The following NCOA2 variants were observed in gnomAD, a reference collection of about 807,000 sequenced individuals.
NCOA2 encodes the protein class E basic helix-loop-helix protein 75.
NCOA2 carries 21 observed loss-of-function variants against 145.1 expected under a neutral mutation model. That is an observed-to-expected ratio of 0.14 (90% CI 0.10 to 0.21). The LOEUF (loss-of-function observed/expected upper bound fraction) is 0.21. Ranked by LOEUF, NCOA2 falls within the 10% of genes least tolerant of loss-of-function variation. The pLI is 1.00. For missense variants in NCOA2, 1,472 were observed against 1,837.6 expected (o/e 0.80, Z 3.64); for synonymous variants, 619 against 637.5 (o/e 0.97, Z 0.44).
the NCOA2 span, chr8:70,424,438 T>C: frequency 2.1e-6 from 1 of 480,280 alleles, no homozygotes; most frequent in Non-Finnish European, 4.2e-6. Flanking sequence ...TAGTGTCTGC[T>C]TTCTCAATAC....
intron 1 of NCOA2, among the ~76,000 whole-genome samples, chr8:70,334,846 T>C (rs144226307): frequency 3.3e-5 from 5 of 152,176 alleles, no homozygotes; most frequent in African/African-American, 1.2e-4. Context: ...TCTCCTTGGC[T>C]GGGCGCAGTG....
At chr8:70,442,630 G>C in the NCOA2 span, among the ~76,000 whole-genome samples, 1 of 152,212 alleles carries the variant, frequency 6.6e-6, no homozygotes, top group African/African-American at 2.4e-5. Context: ...CCTCTAAGCA[G>C]TATTTATTTT....
intron 22 of NCOA2, among the ~76,000 whole-genome samples, chr8:70,116,615 G>C (rs949539012): frequency 1.3e-5 from 2 of 152,132 alleles, no homozygotes; most frequent in Non-Finnish European, 2.9e-5. Flanking sequence ...ACGGAAACAC[G>C]GGATGATGAC....
chr8:70,214,052 C>A lies in NCOA2; in HGVS notation c.110G>T (p.Arg37Leu). The A allele has an allele frequency of 6.2e-7, 1 of 1,605,376 alleles. No individual in the cohort carries two copies. Among genetic ancestry groups the A allele is most frequent in the Non-Finnish European group, 8.5e-7 (1 of 1,178,100 alleles). ...GPSPKRNTEK[R>L]NREQENKYIE... ...ATATTTATTTTCCTGTTCACGATTA[C>A]GTTTTTCAGTGTTCCTTTTGGGGCT... The change falls in exon 4 of 23, where the codon CGT becomes CTT. Residue 37 changes from arginine to leucine, a missense_variant. By Grantham distance (102) the Arg-to-Leu change is moderately radical. Around this residue, in one of 4 missense-constraint regions of NCOA2, gnomAD observed 284 missense variants for 467.8 expected, o/e 0.61. Transcript: ENST00000452400.
chr8:70,326,647 G>A (rs965328762), intron 1 of NCOA2, among the ~76,000 whole-genome samples: 1 of 151,934 alleles, frequency 6.6e-6, no homozygotes, highest in Non-Finnish European at 1.5e-5. Flanking sequence ...CATTGGTCAC[G>A]GCCTCCAGTG....
At chr8:70,394,757 C>T (rs527975387) in intron 1 of NCOA2, among the ~76,000 whole-genome samples, 35 of 152,254 alleles carry the variant, frequency 2.3e-4, no homozygotes, top group African/African-American at 7.2e-4. Context: ...GGGTTTATAA[C>T]AATATCCTTA....
At chr8:70,214,204 TG>T (rs1191171495) in intron 3 of NCOA2, 129 bp from the exon 4 acceptor site, 33 of 897,940 alleles carry the variant, frequency 3.7e-5, no homozygotes, top group Non-Finnish European at 1.7e-5. Flanking sequence ...GAAATACTTT[TG>T]GGGGAAAAAC....
chr8:70,372,713 A>G (rs1271437191), intron 1 of NCOA2, among the ~76,000 whole-genome samples: 1 of 152,208 alleles, frequency 6.6e-6, no homozygotes, highest in Non-Finnish European at 1.5e-5. Flanking sequence ...AATGCATACT[A>G]TTACCACAAT....
intron 2 of NCOA2, among the ~76,000 whole-genome samples, chr8:70,218,416 T>A (rs913114253): frequency 6.6e-6 from 1 of 152,052 alleles, no homozygotes; most frequent in African/African-American, 2.4e-5. Context: ...TGATAATAAG[T>A]ATAATCTGTA....
chr8:70,429,562 A>C, the NCOA2 span, among the ~76,000 whole-genome samples: 20 of 152,210 alleles, frequency 1.3e-4, no homozygotes, highest in Non-Finnish European at 2.6e-4. Flanking sequence ...AATTTCTCCC[A>C]GAGTTGTGAT....
intron 4 of NCOA2, among the ~76,000 whole-genome samples, chr8:70,191,700 C>G (rs1229645900): frequency 6.6e-6 from 1 of 152,088 alleles, no homozygotes; most frequent in Non-Finnish European, 1.5e-5. Context: ...GAGAGAGACC[C>G]ATGAGAATCT....
intron 1 of NCOA2, among the ~76,000 whole-genome samples, chr8:70,396,018 C>G (rs1813635037): frequency 6.6e-6 from 1 of 152,194 alleles, no homozygotes; most frequent in Non-Finnish European, 1.5e-5. Context: ...ATTGAGCAGA[C>G]AGAAGAATTC....
intron 1 of NCOA2, among the ~76,000 whole-genome samples, chr8:70,349,945 ATT>A (rs1193042257): frequency 6.6e-6 from 1 of 152,104 alleles, no homozygotes; most frequent in African/African-American, 2.4e-5. Context: ...GCATGATGGA[ATT>A]TGAGTAATTC....
chr8:70,136,047 G>A (rs1809686545), intron 15 of NCOA2, among the ~76,000 whole-genome samples: 1 of 152,192 alleles, frequency 6.6e-6, no homozygotes, highest in Non-Finnish European at 1.5e-5. Context: ...CTTACTTAGA[G>A]ATACATTTCA....
chr8:70,228,301 G>A (rs566790743), intron 2 of NCOA2, among the ~76,000 whole-genome samples: 1 of 152,288 alleles, frequency 6.6e-6, no homozygotes, highest in Non-Finnish European at 1.5e-5. Flanking sequence ...AAAAGCATAA[G>A]CATATTGCTA....
chr8:70,274,390 G>T (rs776194070), intron 2 of NCOA2, among the ~76,000 whole-genome samples: 1 of 152,152 alleles, frequency 6.6e-6, no homozygotes, highest in Non-Finnish European at 1.5e-5. Context: ...TCAGCTAATT[G>T]TAATTGCTGT....
intron 4 of NCOA2, among the ~76,000 whole-genome samples, chr8:70,208,047 T>C (rs942839935): frequency 1.3e-5 from 2 of 151,766 alleles, no homozygotes; most frequent in Admixed American, 6.6e-5. Flanking sequence ...GCTTAAGAGT[T>C]CGAGACCAGC....
intron 4 of NCOA2, among the ~76,000 whole-genome samples, chr8:70,198,255 T>C (rs1458050607): frequency 6.6e-6 from 1 of 152,224 alleles, no homozygotes; most frequent in Non-Finnish European, 1.5e-5. Flanking sequence ...TTGTTTTCAG[T>C]TTAAACTACA....
chr8:70,315,940 G>C (rs1483181848), intron 1 of NCOA2, among the ~76,000 whole-genome samples: 1 of 152,140 alleles, frequency 6.6e-6, no homozygotes, highest in East Asian at 1.9e-4. Flanking sequence ...CTGCCCTGCT[G>C]GGGTATAATA....
Sources: allele counts gnomAD v4.1 joint callset (sites outside exome capture counted in the v4.1 genomes callset), GRCh38; gene constraint gnomAD v4.1.1; regional missense constraint gnomAD v4.1.1; transcripts MANE v1.5; gene names NCBI Gene and HGNC (gene_info 2026-07-23, HGNC 2026-07-21).